The following SALL4 variants were observed in gnomAD, a reference collection of about 807,000 sequenced individuals.
The protein encoded by SALL4 is spalt like transcription factor 4.
SALL4 carries 4 observed loss-of-function variants against 60.8 expected under a neutral mutation model. That is an observed-to-expected ratio of 0.07 (90% CI 0.03 to 0.15). The LOEUF (loss-of-function observed/expected upper bound fraction) is 0.15, where lower values mean the gene tolerates loss of function less well. SALL4 is among the 10% of genes least tolerant of loss of function. The probability of loss-of-function intolerance (pLI) is 1.00; values close to 1 mark genes in which losing one functional copy is unlikely to be tolerated. For synonymous variants in SALL4, 580 were observed against 574.9 expected (o/e 1.01, Z -0.13); for missense variants, 1,178 against 1,394.7 (o/e 0.84, Z 2.48).
intron 1 of SALL4, 126 bp from the exon 2 acceptor site, chr20:51,792,478 T>C: frequency 8.2e-7 from 1 of 1,218,938 alleles, no homozygotes; most frequent in Admixed American, 1.9e-5. Context: ...CACCTGAGGT[T>C]GGGAATTCAA....
chr20:51,789,156 G>A lies in SALL4; in HGVS notation c.2462-15C>T, dbSNP rs772468931. ...ACTGCTCCGACCTAGTACACAGAGG[G>A]GAAAAAAGCCAGACCTTTATCATCC... is the stretch of plus-strand genomic sequence containing the variant. On this transcript the variant is annotated splice_polypyrimidine_tract_variant and intron_variant, in intron 2 of 3. Transcript: ENST00000217086. 3 of 1,610,734 alleles carry A rather than the reference G, an allele frequency of 1.9e-6. No homozygotes were observed. Among genetic ancestry groups the A allele is most frequent in the South Asian group, 1.1e-5 (1 of 90,558 alleles).
In SALL4 at chr20:51,783,667, A is replaced by ACAAC. The variant is rs1160006379; in HGVS notation, c.*597_*598insGTTG. ...TCTAGGTTGTACAAAGGTTCTATGT[A>ACAAC]TACGTCTGTTACAAGTAACAAAGCT... On this transcript the variant is annotated 3_prime_UTR_variant, in exon 4 of 4. Coordinates refer to ENST00000217086, the MANE Select transcript of SALL4 (RefSeq NM_020436.5). 1 of 158,866 alleles carries ACAAC rather than the reference A, an allele frequency of 6.3e-6. No homozygotes were observed. The highest frequency in any genetic ancestry group is 1.4e-5 in the Non-Finnish European group (1 of 71,974). The allele number at this position is 158,866 out of a possible 1,614,324, so 9.8% of individuals were successfully genotyped here.
In SALL4 at chr20:51,784,145, G is replaced by A. The variant is rs2077972744; in HGVS notation, c.*120C>T. 8 of 1,206,700 alleles carry A rather than the reference G, an allele frequency of 6.6e-6. No individual in the cohort carries two copies. The highest frequency in any genetic ancestry group is 3.6e-5 in the Admixed American group (2 of 55,918). 74.7% of individuals were successfully genotyped at this position (1,206,700 alleles called of 1,614,324 possible). A position where few individuals can be genotyped will look rare whatever the true frequency, so the allele number is the denominator to read the frequency against. ...TGAGGTTGTGGTCACAACCAACGTAGTAAACATCATTTGCATATCAGTAAG... is the reference window on the plus strand; with the variant it reads ...TGAGGTTGTGGTCACAACCAACGTAATAAACATCATTTGCATATCAGTAAG... On this transcript the variant is annotated 3_prime_UTR_variant, in exon 4 of 4. Transcript: ENST00000217086.
Position 51,802,350 on chromosome 20 carries a change from T to A in SALL4, c.59A>T (p.Glu20Val). ...QHINSEEDQG[E>V]QQPQQQTPEF... Reference sequence around the variant, plus strand: ...CGGGGTCTGCTGCTGCGGCTGCTGCTCGCCCTGGTCCTCCTCCGAGTTGAT... The same window carrying A: ...CGGGGTCTGCTGCTGCGGCTGCTGCACGCCCTGGTCCTCCTCCGAGTTGAT... The change falls in exon 1 of 4, where the codon GAG (glutamate) becomes GTG (valine). Residue 20 changes from glutamate (E) to valine (V), a missense_variant. By Grantham distance (121) the Glu-to-Val change is moderately radical. This residue lies in a region of SALL4 where 108 missense variants were observed against 95.7 expected (regional missense o/e 1.13). Transcript: ENST00000217086. 6.2e-7 allele frequency: 1 copy of A among 1,610,796 alleles called. No homozygotes were observed. Among genetic ancestry groups the A allele is most frequent in the Non-Finnish European group, 8.5e-7 (1 of 1,179,760 alleles).
chr20:51,801,920 G>GT lies in SALL4; in HGVS notation c.130+358_130+359insA, dbSNP rs1491114769. On this transcript the variant is annotated intron_variant, in intron 1 of 3. Transcript: ENST00000217086. The surrounding 1 kb of genome is among the most constrained non-coding windows in gnomAD (Gnocchi z 5.2). ...CGAGGGAGGGGGACCTAAGTTACAA[G>GT]GGGGGGGGGTAACACCAGTGAGGGG... Among the ~76,000 whole-genome samples, 2 of 55,296 alleles carry GT rather than the reference G, an allele frequency of 3.6e-5. No individual in the cohort carries two copies. Among genetic ancestry groups the GT allele is most frequent in the Non-Finnish European group, 9.9e-5 (2 of 20,168 alleles). 36.3% of individuals were successfully genotyped at this position (55,296 alleles called of 152,430 possible). A position where few individuals can be genotyped will look rare whatever the true frequency, so the allele number is the denominator to read the frequency against.
chr20:51,788,388 T>A lies in SALL4; in HGVS notation c.2742+473A>T, dbSNP rs1331435352. On this transcript the variant is annotated intron_variant, in intron 3 of 3. Transcript: ENST00000217086. The surrounding 1 kb of genome is among the most constrained non-coding windows in gnomAD (Gnocchi z 4.1). ...ACGTTGTCTCCCTATGTTGCCAGGC[T>A]GGTCTCAAACTCCTGGACTCAGCTG... Among the ~76,000 whole-genome samples, 2 of 151,710 alleles carry A rather than the reference T, an allele frequency of 1.3e-5. No individual in the cohort carries two copies. Among genetic ancestry groups the A allele is most frequent in the East Asian group, 3.9e-4 (2 of 5,128 alleles).
intron 1 of SALL4, among the ~76,000 whole-genome samples, chr20:51,795,641 T>C (rs1280201256): frequency 6.6e-6 from 1 of 152,090 alleles, no homozygotes; most frequent in Non-Finnish European, 1.5e-5. Flanking sequence ...GTTTCTCTTG[T>C]TAGGGAAGGA....
chr20:51,786,361 T>C (rs950245987), intron 3 of SALL4, among the ~76,000 whole-genome samples: 1 of 152,164 alleles, frequency 6.6e-6, no homozygotes, highest in Non-Finnish European at 1.5e-5. Context: ...CCCAAAGTGC[T>C]GGGATTACAG....
At chr20:51,787,548 A>C (rs1337851108) in intron 3 of SALL4, among the ~76,000 whole-genome samples, 6 of 152,218 alleles carry the variant, frequency 3.9e-5, no homozygotes, top group Non-Finnish European at 7.3e-5. Flanking sequence ...ATTTAATCTA[A>C]GGTGGTAGGC....
chr20:51,798,075 T>G (rs2078089151), intron 1 of SALL4, among the ~76,000 whole-genome samples: 1 of 152,156 alleles, frequency 6.6e-6, no homozygotes, highest in Non-Finnish European at 1.5e-5. Context: ...TGTGCCTTCT[T>G]AAGTATTTAA....
intron 1 of SALL4, among the ~76,000 whole-genome samples, chr20:51,793,698 G>C (rs535297253): frequency 6.6e-6 from 1 of 152,294 alleles, no homozygotes; most frequent in Non-Finnish European, 1.5e-5. Context: ...CAAAGTGCTC[G>C]GATTACAGGC....
At position 51,784,466 on chromosome 20, in the gene SALL4, G is replaced by C; in HGVS notation, c.2961C>G (p.Ile987Met). 2 of 1,614,188 alleles carry C rather than the reference G, an allele frequency of 1.2e-6. No homozygotes were observed. Among genetic ancestry groups the C allele is most frequent in the South Asian group, 2.2e-5 (2 of 91,082 alleles). The stretch of plus-strand genomic sequence containing the variant: ...GAACCCCCCCACTCTGGATCACAGA[G>C]ATCTCATTGGTCTTCACGGCCAGAC... ...NGGLAVKTNE[I>M]SVIQSGGVPT... Residue 987 changes from isoleucine (I) to methionine (M), a missense_variant, in exon 4 of 4, where the codon ATC becomes ATG. Ile to Met is a conservative substitution (Grantham distance 10). Around this residue, in one of 5 missense-constraint regions of SALL4, gnomAD observed 174 missense variants for 169.6 expected, o/e 1.03. Transcript: ENST00000217086.
Position 51,783,714 on chromosome 20 carries a change from T to C in SALL4, c.*551A>G, listed in dbSNP as rs1468854439. On this transcript the variant is annotated 3_prime_UTR_variant, in exon 4 of 4. Transcript: ENST00000217086. ...AGCTACTTTGCAAGACCCGCTTCTT[T>C]CCAAAATTAGAAAAAAAAAAAAAAA... is the stretch of plus-strand genomic sequence containing the variant. 6.5e-6 allele frequency: 1 copy of C among 154,348 alleles called. No individual in the cohort carries two copies. Among genetic ancestry groups the C allele is most frequent in the African/African-American group, 2.6e-5 (1 of 38,286 alleles). 9.6% of individuals were successfully genotyped at this position (154,348 alleles called of 1,614,324 possible). A position where few individuals can be genotyped will look rare whatever the true frequency, so the allele number is the denominator to read the frequency against.
chr20:51,788,647 G>C lies in SALL4; in HGVS notation c.2742+214C>G, dbSNP rs1247571008. On this transcript the variant is annotated intron_variant, in intron 3 of 3. Coordinates refer to ENST00000217086, the MANE Select transcript of SALL4 (RefSeq NM_020436.5). This position sits in a 1 kb window ranked among gnomAD's most constrained non-coding sequence, Gnocchi z 4.1. Reference sequence around the variant, plus strand: ...AGGAGCTTGCAGTGAGCTTGAGCTTGAGATGGCGCCACTGCACTCCAGTCT... The same window carrying C: ...AGGAGCTTGCAGTGAGCTTGAGCTTCAGATGGCGCCACTGCACTCCAGTCT... Among the ~76,000 whole-genome samples, 2 of 152,090 alleles carry C rather than the reference G, an allele frequency of 1.3e-5. No individual in the cohort carries two copies. Among genetic ancestry groups the C allele is most frequent in the Admixed American group, 1.3e-4 (2 of 15,258 alleles).
At position 51,790,193 on chromosome 20, in the gene SALL4, A is replaced by G. The variant is rs150549656; in HGVS notation, c.2290T>C (p.Ser764Pro). The G allele has an allele frequency of 1.7e-3, 2,719 of 1,614,060 alleles. 46 individuals are homozygous for G. The East Asian group carries it at 0.024, about 14-fold the overall frequency. Residue 764 changes from serine to proline, a missense_variant, in exon 2 of 4, where the codon TCC becomes CCC. This residue lies in a region of SALL4 where 853 missense variants were observed against 1,036.8 expected (regional missense o/e 0.82). Coordinates refer to ENST00000217086, the MANE Select transcript of SALL4 (RefSeq NM_020436.5). The surrounding 1 kb of genome is among the most constrained non-coding windows in gnomAD (Gnocchi z 5.5). ...VESDGLTNDSSSLMGDQEYQS... is the reference protein window; with the variant it reads ...VESDGLTNDSPSLMGDQEYQS... ...TACTCCTGGTCTCCCATCAGCGAGG[A>G]TGAGTCGTTGGTCAAGCCATCGCTC...
At chr20:51,792,421 G>A (rs1036456379) in intron 1 of SALL4, 69 bp from the exon 2 acceptor site, 55 of 1,566,592 alleles carry the variant, frequency 3.5e-5, no homozygotes, top group African/African-American at 3.5e-4. Flanking sequence ...GGGCACCGTC[G>A]CTCACATCTA....
intron 1 of SALL4, chr20:51,792,688 C>CAAAAAAAAAAAAAAAAAAAAAAAA: frequency 6.0e-6 from 1 of 166,370 alleles, no homozygotes; most frequent in Non-Finnish European, 7.7e-6. Context: ...GACTCCATCT[C>CAAAAAAAAAAAAAAAAAAAAAAAA]AAAAAAAAAA....
Position 51,790,742 on chromosome 20 carries a change from G to A in SALL4, c.1741C>T (p.Leu581Phe). Residue 581 changes from leucine (L) to phenylalanine (F), a missense_variant, in exon 2 of 4, where the codon CTC becomes TTC. Transcript: ENST00000217086. The surrounding 1 kb of genome is among the most constrained non-coding windows in gnomAD (Gnocchi z 5.5). The stretch of plus-strand genomic sequence containing the variant: ...GTGTGGGTGCGATAATGCATCTTGA[G>A]GGAGCTCTGACAGCTTAAGACTCGG... ...CHRVLSCQSS[L>F]KMHYRTHTGE... is the part of the protein sequence containing the mutation. The A allele has an allele frequency of 6.2e-7, 1 of 1,614,116 alleles. No individual in the cohort carries two copies. Among genetic ancestry groups the A allele is most frequent in the Non-Finnish European group, 8.5e-7 (1 of 1,180,040 alleles).
intron 1 of SALL4, among the ~76,000 whole-genome samples, 188 bp downstream of exon 1, chr20:51,802,088 AAAG>A (rs1370156583): frequency 9.9e-5 from 15 of 151,742 alleles, no homozygotes; most frequent in Non-Finnish European, 2.1e-4. Context: ...GAAGAGGAAA[AAAG>A]TGTGAAATGT....
Sources: allele counts gnomAD v4.1 joint callset (sites outside exome capture counted in the v4.1 genomes callset), GRCh38; gene constraint gnomAD v4.1.1; regional missense constraint gnomAD v4.1.1; non-coding constraint Gnocchi (gnomAD v3.1); transcripts MANE v1.5; gene names NCBI Gene and HGNC (gene_info 2026-07-23, HGNC 2026-07-21).